The following ZNF618 variants were observed in gnomAD, a reference collection of about 807,000 sequenced individuals.
The protein encoded by ZNF618 is neural precursor cell expressed, developmentally down-regulated 10.
Under a neutral mutation model 103.0 loss-of-function variants are expected in ZNF618, and 34 were observed. That is an observed-to-expected ratio of 0.33 (90% confidence interval 0.25 to 0.44). The LOEUF (loss-of-function observed/expected upper bound fraction) is 0.44, where lower values mean the gene tolerates loss of function less well. ZNF618 is among the 20% of genes least tolerant of loss of function. The probability of loss-of-function intolerance (pLI) is 1.00; values close to 1 mark genes in which losing one functional copy is unlikely to be tolerated. For missense variants in ZNF618, 1,059 were observed against 1,295.4 expected (o/e 0.82, Z 2.80); for synonymous variants, 551 against 542.2 (o/e 1.02, Z -0.23).
rs1588326253 is a variant in ZNF618, at chr9:114,009,803, G to A, written c.754+1249G>A. ...GGGCAGAGCTCGATCCCAGCTCTTG[G>A]AAGGGGTTGGGTGGGTTCCCTCCCC... On this transcript the variant is annotated intron_variant, in intron 9 of 14. Transcript: ENST00000374126. 2.6e-5 allele frequency among the ~76,000 whole-genome samples: 4 copies of A among 152,148 alleles called. No homozygotes were observed. The South Asian group carries it at 8.3e-4, about 32-fold the overall frequency.
rs547443659 is a variant in ZNF618 at position 114,012,486 on chromosome 9, A to G, written c.754+3932A>G. Among the ~76,000 whole-genome samples, 8 of 152,296 alleles carry G rather than the reference A, an allele frequency of 5.3e-5. No homozygotes were observed. The East Asian group carries it at 9.6e-4, about 18-fold the overall frequency. On this transcript the variant is annotated intron_variant, in intron 9 of 14. Coordinates refer to ENST00000374126, the MANE Select transcript of ZNF618 (RefSeq NM_001318042.2). ...AGGCCCCATCTCCACATGCTATCAC[A>G]TTAGGAGTTAGAGTTTCAACATATG...
At chr9:113,887,732 G>A (rs369418748) in intron 1 of ZNF618, among the ~76,000 whole-genome samples, 4 of 152,164 alleles carry the variant, frequency 2.6e-5, no homozygotes, top group Admixed American at 1.3e-4. Flanking sequence ...GTGGGTGAGC[G>A]GCCCAGGCGG....
chr9:113,969,234 TG>T (rs1187864085), intron 2 of ZNF618, 74 bp downstream of exon 2: 7 of 1,573,554 alleles, frequency 4.4e-6, no homozygotes, highest in African/African-American at 1.3e-5. Context: ...TACCACTCTC[TG>T]GTCCTCATCT....
At chr9:113,901,624 C>G (rs1419886168) in intron 1 of ZNF618, among the ~76,000 whole-genome samples, 3 of 152,198 alleles carry the variant, frequency 2.0e-5, no homozygotes, top group Non-Finnish European at 4.4e-5. Context: ...AGTCCCCATT[C>G]TAGCTGAGTG....
Position 113,998,268 on chromosome 9 carries a change from C to G in ZNF618, c.347C>G (p.Ala116Gly). 6.4e-7 allele frequency: 1 copy of G among 1,550,494 alleles called. No individual in the cohort carries two copies. Among genetic ancestry groups the G allele is most frequent in the Non-Finnish European group, 8.7e-7 (1 of 1,146,956 alleles). ...TTCTTACGTAATTCAGATGGAAAAG[C>G]GCCCGAAGGCAGCCCCCACGGTGGA... is the stretch of plus-strand genomic sequence containing the variant. ...VRNQQTLDGK[A>G]PEGSPHGGSV... Residue 116 changes from alanine (A) to glycine (G), a missense_variant, in exon 4 of 15, where the codon GCG (alanine) becomes GGG (glycine). This residue lies in a region of ZNF618 where 194 missense variants were observed against 209.0 expected (regional missense o/e 0.93). Transcript: ENST00000374126.
chr9:114,017,675 T>C (rs889854192), intron 10 of ZNF618, among the ~76,000 whole-genome samples: 2 of 152,126 alleles, frequency 1.3e-5, no homozygotes, highest in East Asian at 1.9e-4. Flanking sequence ...ACAGCAGAGC[T>C]GTGGGGATCC....
At chr9:113,890,313 T>C (rs1229413574) in intron 1 of ZNF618, among the ~76,000 whole-genome samples, 5 of 152,236 alleles carry the variant, frequency 3.3e-5, no homozygotes, top group Non-Finnish European at 7.3e-5. Flanking sequence ...TTGATGAGCA[T>C]TATTCAAGCC....
chr9:113,999,661 A>G (rs1284410557), intron 4 of ZNF618, among the ~76,000 whole-genome samples: 2 of 151,820 alleles, frequency 1.3e-5, no homozygotes, highest in African/African-American at 2.4e-5. Flanking sequence ...AACAGTATCT[A>G]CTCCACTGAC....
chr9:113,939,726 AT>A (rs1834381383), intron 1 of ZNF618, among the ~76,000 whole-genome samples: 1 of 151,784 alleles, frequency 6.6e-6, no homozygotes, highest in Admixed American at 6.6e-5. Context: ...TTCATGTATA[AT>A]TGAAGATATA....
intron 1 of ZNF618, among the ~76,000 whole-genome samples, chr9:113,877,663 G>T (rs1048229631): frequency 5.3e-5 from 8 of 150,776 alleles, no homozygotes; most frequent in Admixed American, 2.0e-4. Flanking sequence ...GTGTGTGTGT[G>T]TTTTTTTTGT....
At chr9:114,039,989 A>C (rs1372593931) in intron 13 of ZNF618, among the ~76,000 whole-genome samples, 1 of 152,156 alleles carries the variant, frequency 6.6e-6, no homozygotes. Flanking sequence ...CCTTATTTTC[A>C]TCTCAAGCTA....
intron 1 of ZNF618, among the ~76,000 whole-genome samples, chr9:113,929,073 TCCACCCCC>T (rs1833347071): frequency 6.6e-6 from 1 of 152,182 alleles, no homozygotes; most frequent in Admixed American, 6.5e-5. Context: ...ATGGTTATTT[TCCACCCCC>T]AACTCCACAT....
intron 2 of ZNF618, among the ~76,000 whole-genome samples, chr9:113,982,409 C>T (rs1028162994): frequency 2.6e-5 from 4 of 152,008 alleles, no homozygotes; most frequent in East Asian, 1.9e-4. Context: ...CCTCTCGGGG[C>T]GCATTGCCTT....
intron 1 of ZNF618, among the ~76,000 whole-genome samples, chr9:113,912,194 C>A (rs1397462811): frequency 1.3e-5 from 2 of 152,194 alleles, no homozygotes; most frequent in Admixed American, 6.5e-5. Context: ...CATTTCCCAG[C>A]CAGACCAGTG....
chr9:113,910,719 C>G (rs1168451414), intron 1 of ZNF618, among the ~76,000 whole-genome samples: 1 of 152,196 alleles, frequency 6.6e-6, no homozygotes, highest in Non-Finnish European at 1.5e-5. Context: ...GTCCTTCCTT[C>G]ACACCTGTGC....
At chr9:113,917,832 C>T (rs1290751790) in intron 1 of ZNF618, among the ~76,000 whole-genome samples, 1 of 152,144 alleles carries the variant, frequency 6.6e-6, no homozygotes, top group Non-Finnish European at 1.5e-5. Context: ...TACACTTTCA[C>T]CTAGCTTCCT....
intron 10 of ZNF618, among the ~76,000 whole-genome samples, chr9:114,021,656 T>C (rs1286165798): frequency 1.3e-5 from 2 of 152,122 alleles, no homozygotes; most frequent in African/African-American, 4.8e-5. Flanking sequence ...CATGCACCCA[T>C]GAAACGGTCA....
intron 1 of ZNF618, among the ~76,000 whole-genome samples, chr9:113,879,466 G>A (rs1280913662): frequency 6.7e-6 from 1 of 148,258 alleles, no homozygotes; most frequent in African/African-American, 2.5e-5. Flanking sequence ...GTGCATGATG[G>A]TTCTATTGGG....
rs1554732831 is a variant in ZNF618, at chr9:113,951,427, G to GTATATATATATACACACACACATATA, written c.34-17689_34-17688insATATATATATACACACACACATATAT. 2.9e-5 allele frequency among the ~76,000 whole-genome samples: 2 copies of GTATATATATATACACACACACATATA among 69,946 alleles called. 1 individual carries two copies. Among genetic ancestry groups the GTATATATATATACACACACACATATA allele is most frequent in the East Asian group, 1.4e-3 (2 of 1,436 alleles). 45.9% of individuals were successfully genotyped at this position (69,946 alleles called of 152,430 possible). ...CGTATATATACACACATATATGTGT[G>GTATATATATATACACACACACATATA]TGTGTATATATATACATATATGTGT... is the stretch of plus-strand genomic sequence containing the variant. On this transcript the variant is annotated intron_variant, in intron 1 of 14. Coordinates refer to ENST00000374126, the MANE Select transcript of ZNF618 (RefSeq NM_001318042.2).
Sources: allele counts gnomAD v4.1 joint callset (sites outside exome capture counted in the v4.1 genomes callset), GRCh38; gene constraint gnomAD v4.1.1; regional missense constraint gnomAD v4.1.1; transcripts MANE v1.5; gene names NCBI Gene and HGNC (gene_info 2026-07-23, HGNC 2026-07-21).